The following ZNF92 variants were observed in gnomAD, a reference collection of about 807,000 sequenced individuals.
ZNF92 encodes epididymis luminal protein 203.
Under a neutral mutation model 12.4 loss-of-function variants are expected in ZNF92, and 11 were observed. The observed-to-expected ratio is 0.89, with a 90% CI of 0.56 to 1.47. ZNF92 has a LOEUF of 1.47. Ranked by LOEUF, ZNF92 falls within the 40% of genes most tolerant of loss-of-function variation. The pLI is 0.00. For synonymous variants in ZNF92, 206 were observed against 228.6 expected (o/e 0.90, Z 0.89); for missense variants, 622 against 681.0 (o/e 0.91, Z 0.96).
chr7:65,398,330 ATTT>A lies in ZNF92; in HGVS notation c.227-6_227-4del. The A allele has an allele frequency of 6.6e-7, 1 of 1,506,168 alleles. No individual in the cohort carries two copies. The highest frequency in any genetic ancestry group is 8.8e-7 in the Non-Finnish European group (1 of 1,130,222). The allele number at this position is 1,506,168 out of a possible 1,614,324, so 93.3% of individuals were successfully genotyped here. A position where few individuals can be genotyped will look rare whatever the true frequency, so the allele number is the denominator to read the frequency against. On this transcript the variant is annotated splice_polypyrimidine_tract_variant and splice_region_variant and intron_variant, in intron 3 of 3. Transcript: ENST00000328747. Reference sequence around the variant, plus strand: ...GTAAGTGAAGTAACTTGTTATTTTTATTTTTTTCAGTTATGTGTTCTCATTTTG... The same window carrying A: ...GTAAGTGAAGTAACTTGTTATTTTTATTTTCAGTTATGTGTTCTCATTTTG...
intron 1 of ZNF92, among the ~76,000 whole-genome samples, chr7:65,379,612 C>G (rs1793347091): frequency 6.6e-6 from 1 of 152,092 alleles, no homozygotes; most frequent in Admixed American, 6.5e-5. Context: ...GCACCACCCT[C>G]AGGAATTTCA....
intron 3 of ZNF92, among the ~76,000 whole-genome samples, chr7:65,392,656 C>T (rs1793745571): frequency 6.6e-6 from 1 of 151,744 alleles, no homozygotes; most frequent in African/African-American, 2.4e-5. Flanking sequence ...CCTGCCTCAG[C>T]CTCCTGAGTA....
At chr7:65,381,852 A>G (rs564429343) in intron 1 of ZNF92, among the ~76,000 whole-genome samples, 5 of 152,142 alleles carry the variant, frequency 3.3e-5, no homozygotes, top group South Asian at 4.1e-4. Flanking sequence ...GGTGTGCCAC[A>G]TTATTTCTGG....
chr7:65,380,837 C>G lies in ZNF92; in HGVS notation c.3+6837C>G, dbSNP rs138134321. 2.8e-3 allele frequency among the ~76,000 whole-genome samples: 419 copies of G among 152,192 alleles called. 3 individuals carry two copies. The highest frequency in any genetic ancestry group is 9.9e-3 in the African/African-American group (409 of 41,512). ...GCAGAGTATAAGCATTCTCTTTACCCTGCAACTTTGCCAGCACATCTATTA... is the reference window on the plus strand; with the variant it reads ...GCAGAGTATAAGCATTCTCTTTACCGTGCAACTTTGCCAGCACATCTATTA... On this transcript the variant is annotated intron_variant, in intron 1 of 3. Coordinates refer to ENST00000328747, the MANE Select transcript of ZNF92 (RefSeq NM_152626.4).
chr7:65,377,334 C>T (rs1793270069), intron 1 of ZNF92, among the ~76,000 whole-genome samples: 1 of 151,934 alleles, frequency 6.6e-6, no homozygotes, highest in Non-Finnish European at 1.5e-5. Flanking sequence ...GGGAGCCTCC[C>T]CTGAAGATGT....
rs1793940500 is a variant in ZNF92 at position 65,399,259 on chromosome 7, C to T, written c.1145C>T (p.Ser382Leu). The T allele has an allele frequency of 6.2e-7, 1 of 1,612,560 alleles. No homozygotes were observed. The change falls in exon 4 of 4, where the codon TCA becomes TTA. Residue 382 changes from serine to leucine, a missense_variant. Ser to Leu is a moderately radical substitution (Grantham distance 145). Transcript: ENST00000328747. ...DECGKAFNQS[S>L]TLTKHKRIHT... is the part of the protein sequence containing the mutation. Reference sequence around the variant, plus strand: ...TGTGGCAAAGCCTTTAACCAGTCCTCAACCCTTACTAAACATAAAAGAATT... The same window carrying T: ...TGTGGCAAAGCCTTTAACCAGTCCTTAACCCTTACTAAACATAAAAGAATT...
At position 65,373,870 on chromosome 7, in the gene ZNF92, C is replaced by T. The variant is rs898635420; in HGVS notation, c.-128C>T. 12 of 1,325,460 alleles carry T rather than the reference C, an allele frequency of 9.1e-6. No individual in the cohort carries two copies. The highest frequency in any genetic ancestry group is 2.0e-4 in the Middle Eastern group (1 of 5,014). 82.1% of individuals were successfully genotyped at this position (1,325,460 alleles called of 1,614,324 possible). A position where few individuals can be genotyped will look rare whatever the true frequency, so the allele number is the denominator to read the frequency against. ...CGGGGCCTTTGTCTCTCGCTGCAGC[C>T]GGCGCTCCACGTCTAGTCTTCACTG... On this transcript the variant is annotated 5_prime_UTR_variant, in exon 1 of 4. Transcript: ENST00000328747.
chr7:65,379,763 A>T (rs1021494084), intron 1 of ZNF92, among the ~76,000 whole-genome samples: 1 of 152,018 alleles, frequency 6.6e-6, no homozygotes. Flanking sequence ...TCATAATCTC[A>T]TCTGCCTGCA....
chr7:65,394,045 T>C (rs745787703), intron 3 of ZNF92, among the ~76,000 whole-genome samples: 4 of 152,104 alleles, frequency 2.6e-5, no homozygotes, highest in Non-Finnish European at 5.9e-5. Flanking sequence ...GTCACTCTCT[T>C]GAATGTTTTC....
intron 3 of ZNF92, among the ~76,000 whole-genome samples, chr7:65,395,431 C>T (rs976211879): frequency 2.0e-5 from 3 of 152,004 alleles, no homozygotes; most frequent in African/African-American, 7.3e-5. Flanking sequence ...TGTGTATTCC[C>T]TTGCTTTTGA....
At chr7:65,388,562 C>T (rs1282991079) in intron 2 of ZNF92, among the ~76,000 whole-genome samples, 4 of 151,594 alleles carry the variant, frequency 2.6e-5, no homozygotes, top group South Asian at 2.1e-4. Flanking sequence ...CGCTTGAACC[C>T]GGGAGGCAGA....
At chr7:65,397,587 T>C (rs1793874798) in intron 3 of ZNF92, among the ~76,000 whole-genome samples, 1 of 152,106 alleles carries the variant, frequency 6.6e-6, no homozygotes, top group Admixed American at 6.6e-5. Context: ...TTGATTGAGA[T>C]TTGGACATTA....
intron 1 of ZNF92, among the ~76,000 whole-genome samples, chr7:65,374,896 T>C (rs1028934614): frequency 1.3e-5 from 2 of 152,194 alleles, no homozygotes; most frequent in African/African-American, 4.8e-5. Context: ...AATTCTGGCT[T>C]GCAGTAAAAT....
chr7:65,384,091 G>A (rs764384156), intron 1 of ZNF92, among the ~76,000 whole-genome samples: 3 of 151,994 alleles, frequency 2.0e-5, no homozygotes, highest in Non-Finnish European at 4.4e-5. Flanking sequence ...TATTATTTCT[G>A]TTTCTTTTAC....
rs939901565 is a variant in ZNF92 at position 65,396,863 on chromosome 7, ACCTT to A, written c.227-1477_227-1474del. ...TGTGCAAGGGATAATAAACACCCTTACCTTTTATTTTGGAAAATCTATTTTTTTC... is the reference window on the plus strand; with the variant it reads ...TGTGCAAGGGATAATAAACACCCTTATTATTTTGGAAAATCTATTTTTTTC... On this transcript the variant is annotated intron_variant, in intron 3 of 3. Coordinates refer to ENST00000328747, the MANE Select transcript of ZNF92 (RefSeq NM_152626.4). Among the ~76,000 whole-genome samples the A allele has an allele frequency of 3.3e-4, 50 of 152,162 alleles. 2 individuals carry two copies. The highest frequency in any genetic ancestry group is 1.2e-3 in the African/African-American group (49 of 41,516).
At chr7:65,387,511 A>G (rs1417146393) in intron 1 of ZNF92, among the ~76,000 whole-genome samples, 1 of 152,104 alleles carries the variant, frequency 6.6e-6, no homozygotes, top group Non-Finnish European at 1.5e-5. Flanking sequence ...AGATGTTCTG[A>G]AAAAATATAT....
At position 65,399,126 on chromosome 7, in the gene ZNF92, G is replaced by T. The variant is rs746614063; in HGVS notation, c.1012G>T (p.Glu338Ter). The change falls in exon 4 of 4, where the codon GAA becomes TAA. Residue 338 changes from glutamate to a stop codon, truncating the protein, a stop_gained. Coordinates refer to ENST00000328747, the MANE Select transcript of ZNF92 (RefSeq NM_152626.4). LOFTEE classifies it low-confidence loss of function (END_TRUNC). Reference sequence around the variant, plus strand: ...AAAACATAAGATAATCCATACTGGGGAAAAACCATACAAATGTGAAGAATG... The same window carrying T: ...AAAACATAAGATAATCCATACTGGGTAAAAACCATACAAATGTGAAGAATG... Reference protein sequence around the residue: ...LKKHKIIHTGEKPYKCEECGK... With the variant: ...LKKHKIIHTG 1.2e-6 allele frequency: 2 copies of T among 1,612,790 alleles called. No individual in the cohort carries two copies.
At position 65,401,088 on chromosome 7, in the gene ZNF92, TTGTG is replaced by T. The variant is rs566564734; in HGVS notation, c.*1218_*1221del. 2.5e-3 allele frequency: 373 copies of T among 152,178 alleles called. 6 individuals are homozygous for T. Among genetic ancestry groups the T allele is most frequent in the African/African-American group, 8.2e-3 (341 of 41,546 alleles). 9.4% of individuals were successfully genotyped at this position (152,178 alleles called of 1,614,324 possible). A position where few individuals can be genotyped will look rare whatever the true frequency, so the allele number is the denominator to read the frequency against. The stretch of plus-strand genomic sequence containing the variant: ...AATGCAGTACTTTAAAACATTTAGA[TTGTG>T]TGTGAACTTAATTTTGTAATTAAAC... On this transcript the variant is annotated 3_prime_UTR_variant, in exon 4 of 4. Transcript: ENST00000328747.
intron 1 of ZNF92, among the ~76,000 whole-genome samples, chr7:65,379,463 G>A (rs1793343791): frequency 6.6e-6 from 1 of 152,012 alleles, no homozygotes. Flanking sequence ...TCCTGCCATG[G>A]TGAGAGAGGA....
Sources: gnomAD v4.1 joint callset for allele counts (sites outside exome capture counted in the v4.1 genomes callset) on GRCh38, gnomAD v4.1.1 for gene constraint, MANE v1.5 for transcripts, NCBI Gene and HGNC (gene_info 2026-07-23, HGNC 2026-07-21) for gene names.